The following TRPC4AP variants were observed in gnomAD, a reference collection of about 807,000 sequenced individuals.
TRPC4AP encodes short transient receptor potential channel 4-associated protein.
Under a neutral mutation model 99.0 loss-of-function variants are expected in TRPC4AP, and 45 were observed. That is an observed-to-expected ratio of 0.45 (90% CI 0.36 to 0.58). The LOEUF is 0.58. TRPC4AP is among the 20% of genes least tolerant of loss of function. The probability of loss-of-function intolerance (pLI) is 0.00; values close to 1 mark genes in which losing one functional copy is unlikely to be tolerated. For synonymous variants in TRPC4AP, 408 were observed against 385.8 expected, an observed-to-expected ratio of 1.06 and a Z score of -0.67; for missense variants, 879 against 985.3, an observed-to-expected ratio of 0.89 and a Z score of 1.44.
intron 8 of TRPC4AP, among the ~76,000 whole-genome samples, chr20:35,024,825 C>CCAAAAAAAAAAA (rs1555904985): frequency 0.052 from 1,844 of 35,346 alleles, 421 homozygotes; most frequent in East Asian, 0.083. Context: ...GAGACCGTCT[C>CCAAAAAAAAAAA]AAAAAAAAAA....
chr20:35,038,710 G>A (rs1037735716), intron 7 of TRPC4AP, among the ~76,000 whole-genome samples: 2 of 152,158 alleles, frequency 1.3e-5, no homozygotes, highest in Non-Finnish European at 2.9e-5. Context: ...ACAGGGAGGG[G>A]AACAAACTCT....
rs1355449496 is a variant in TRPC4AP at position 35,003,402 on chromosome 20, G to A, written c.2256+8C>T. On this transcript the variant is annotated splice_region_variant and intron_variant, in intron 18 of 18. Transcript: ENST00000252015. ...CACCCATCACCCCCTTGAGGGTGGG[G>A]CACTCACGTTCTCTAGGCAGGTGCT... 1.2e-6 allele frequency: 2 copies of A among 1,614,064 alleles called. No homozygotes were observed. The highest frequency in any genetic ancestry group is 8.5e-7 in the Non-Finnish European group (1 of 1,180,000).
intron 7 of TRPC4AP, among the ~76,000 whole-genome samples, chr20:35,043,282 T>G (rs562530332): frequency 4.6e-5 from 7 of 151,716 alleles, no homozygotes; most frequent in African/African-American, 1.2e-4. Context: ...AGTCTAATTA[T>G]GTCGCCCAGG....
intron 13 of TRPC4AP, 142 bp downstream of exon 13, chr20:35,008,522 G>A (rs931543022): frequency 5.8e-6 from 4 of 695,122 alleles, no homozygotes; most frequent in African/African-American, 5.4e-5. Flanking sequence ...ACACAAGATG[G>A]CAGTCAAACC....
At position 35,055,021 on chromosome 20, in the gene TRPC4AP, T is replaced by C. The variant is rs1254576127; in HGVS notation, c.483A>G (p.Glu161=). Residue 161 remains glutamate, a synonymous_variant, in exon 5 of 19, where the codon GAA becomes GAG. Coordinates refer to ENST00000252015, the MANE Select transcript of TRPC4AP (RefSeq NM_015638.3). The part of the protein sequence containing the change: ...IRGQKLKISD[E]MSKDCLSILY... ...GGATACTCAAGCAGTCCTTGGACAT[T>C]TCATCACTTACTGAAAGTGAAAGGG... 1.9e-6 allele frequency: 3 copies of C among 1,613,642 alleles called. No homozygotes were observed. In the East Asian group the frequency reaches 6.7e-5, roughly 36 times the overall value.
intron 13 of TRPC4AP, 125 bp downstream of exon 13, chr20:35,008,539 C>T: frequency 1.2e-6 from 1 of 805,222 alleles, no homozygotes; most frequent in East Asian, 2.5e-5. Context: ...AACCACCTCT[C>T]CCCAACAGTA....
intron 1 of TRPC4AP, among the ~76,000 whole-genome samples, chr20:35,087,374 A>G (rs2084916251): frequency 6.6e-6 from 1 of 151,982 alleles, no homozygotes; most frequent in Non-Finnish European, 1.5e-5. Flanking sequence ...CTAAAGAAAA[A>G]ATATAAAGTA....
intron 7 of TRPC4AP, among the ~76,000 whole-genome samples, chr20:35,037,377 A>G (rs2083343823): frequency 6.6e-6 from 1 of 151,600 alleles, no homozygotes; most frequent in South Asian, 2.1e-4. Context: ...AAAGTCAAAC[A>G]TAAAATTACC....
At chr20:35,026,862 A>C (rs188060987) in intron 8 of TRPC4AP, among the ~76,000 whole-genome samples, 67 of 152,072 alleles carry the variant, frequency 4.4e-4, no homozygotes, top group South Asian at 2.9e-3. Flanking sequence ...GTTGATTGCT[A>C]CTCTATAGAA....
At chr20:35,036,869 C>G (rs751784202) in intron 7 of TRPC4AP, among the ~76,000 whole-genome samples, 1 of 151,866 alleles carries the variant, frequency 6.6e-6, no homozygotes, top group Non-Finnish European at 1.5e-5. Context: ...TTGCTTGAAC[C>G]TGGGATGCAG....
intron 1 of TRPC4AP, among the ~76,000 whole-genome samples, chr20:35,082,546 T>C (rs2084674797): frequency 6.6e-6 from 1 of 152,170 alleles, no homozygotes; most frequent in African/African-American, 2.4e-5. Context: ...ACATCCAAAC[T>C]GATGAGGTAC....
At chr20:35,014,620 C>T (rs2082710755) in intron 10 of TRPC4AP, among the ~76,000 whole-genome samples, 1 of 152,158 alleles carries the variant, frequency 6.6e-6, no homozygotes, top group Admixed American at 6.5e-5. Flanking sequence ...CGAATTGAGC[C>T]AGACAGAACA....
intron 8 of TRPC4AP, among the ~76,000 whole-genome samples, chr20:35,030,866 CTT>C (rs1468993879): frequency 7.8e-6 from 1 of 128,768 alleles, no homozygotes; most frequent in Non-Finnish European, 1.8e-5. Flanking sequence ...TTAAGGTGCT[CTT>C]TGTTTTTCAT....
At chr20:35,004,638 G>A (rs916386765) in intron 16 of TRPC4AP, 68 bp from the exon 17 acceptor site, 64 of 1,348,066 alleles carry the variant, frequency 4.7e-5, no homozygotes, top group Admixed American at 2.3e-4. Context: ...CAGGCCTTTC[G>A]TGGAGCCCCG....
intron 1 of TRPC4AP, among the ~76,000 whole-genome samples, chr20:35,080,173 G>A (rs1204668029): frequency 6.6e-6 from 1 of 151,958 alleles, no homozygotes; most frequent in East Asian, 1.9e-4. Flanking sequence ...GATAAATCTT[G>A]AGACCATTAT....
intron 5 of TRPC4AP, among the ~76,000 whole-genome samples, chr20:35,053,553 T>C (rs1315049384): frequency 6.6e-6 from 1 of 152,202 alleles, no homozygotes; most frequent in Non-Finnish European, 1.5e-5. Context: ...TTTTATCTTA[T>C]AGATCTCCCT....
In TRPC4AP at chr20:35,069,312, A is replaced by T; in HGVS notation, c.398T>A (p.Leu133Ter). 6.2e-7 allele frequency: 1 copy of T among 1,600,294 alleles called. No individual in the cohort carries two copies. Among genetic ancestry groups the T allele is most frequent in the Non-Finnish European group, 8.6e-7 (1 of 1,167,908 alleles). The change falls in exon 3 of 19, where the codon TTG becomes TAG. Residue 133 changes from leucine (L) to a stop codon, truncating the protein, a stop_gained. Coordinates refer to ENST00000252015, the MANE Select transcript of TRPC4AP (RefSeq NM_015638.3). LOFTEE classifies it high-confidence loss of function. ...TTYPNTYIFD[L>*]FGGVDLLVEI... The stretch of plus-strand genomic sequence containing the variant: ...GCTACTTACATCAACACCTCCAAAC[A>T]AGTCAAAAATGTAAGTATTTGGATA...
At chr20:35,066,033 T>C (rs17092244) in intron 3 of TRPC4AP, among the ~76,000 whole-genome samples, 3,520 of 152,238 alleles carry the variant, frequency 0.023, 115 homozygotes, top group African/African-American at 0.081. Context: ...CAATCTTTAC[T>C]TTACTGGAAA....
chr20:35,025,536 A>C (rs2083007472), intron 8 of TRPC4AP, among the ~76,000 whole-genome samples: 1 of 152,202 alleles, frequency 6.6e-6, no homozygotes, highest in Non-Finnish European at 1.5e-5. Context: ...TCACGTGCTT[A>C]ATAATTATTT....
Sources: gnomAD v4.1 joint callset for allele counts (sites outside exome capture counted in the v4.1 genomes callset) on GRCh38, gnomAD v4.1.1 for gene constraint, MANE v1.5 for transcripts, NCBI Gene and HGNC (gene_info 2026-07-23, HGNC 2026-07-21) for gene names.